RIMBP2: variants seen among roughly 807,000 people sequenced by gnomAD.
RIMBP2 encodes RIMS binding protein 2.
RIMBP2 carries 48 observed loss-of-function variants against 118.6 expected under a neutral mutation model. The observed-to-expected ratio is 0.40, with a 90% CI of 0.32 to 0.51. RIMBP2 has a LOEUF of 0.51. Ranked by LOEUF, RIMBP2 falls within the 20% of genes least tolerant of loss-of-function variation. The pLI, the probability that RIMBP2 is intolerant of heterozygous loss-of-function variation, is 0.41. For missense variants in RIMBP2, 1,551 were observed against 1,768.3 expected, an observed-to-expected ratio of 0.88 and a Z score of 2.20; for synonymous variants, 762 against 742.9, an observed-to-expected ratio of 1.03 and a Z score of -0.42.
chr12:130,451,743 G>C (rs947540990), intron 7 of RIMBP2, among the ~76,000 whole-genome samples: 1 of 151,578 alleles, frequency 6.6e-6, no homozygotes, highest in Admixed American at 6.6e-5. Context: ...TGCTCACAGC[G>C]AGACCGAGAG....
intron 12 of RIMBP2, among the ~76,000 whole-genome samples, chr12:130,438,159 T>G (rs909613947): frequency 3.9e-5 from 6 of 152,034 alleles, no homozygotes; most frequent in African/African-American, 1.4e-4. Context: ...GGGCAGGGGA[T>G]GAGTGAGGGG....
In RIMBP2 at chr12:130,674,299, G is replaced by A. The variant is rs554088342; in HGVS notation, c.-352+41923C>T. On this transcript the variant is annotated intron_variant, in intron 1 of 22. Transcript: ENST00000690449. ...TTTCTTAAGGCCTCCCCAGCCATGCGTCCTGTACGGCTGGTGGAACCATGA... is the reference window on the plus strand; with the variant it reads ...TTTCTTAAGGCCTCCCCAGCCATGCATCCTGTACGGCTGGTGGAACCATGA... Among the ~76,000 whole-genome samples, 13 of 152,230 alleles carry A rather than the reference G, an allele frequency of 8.5e-5. No individual in the cohort carries two copies. The South Asian group carries it at 1.0e-3, about 12-fold the overall frequency.
At chr12:130,556,368 A>G (rs1036445974) in intron 2 of RIMBP2, among the ~76,000 whole-genome samples, 5 of 152,194 alleles carry the variant, frequency 3.3e-5, no homozygotes, top group Non-Finnish European at 7.4e-5. Flanking sequence ...CACTGTTTGC[A>G]TAATTTTTAT....
chr12:130,441,073 G>A (rs932001948), intron 11 of RIMBP2, among the ~76,000 whole-genome samples: 6 of 152,240 alleles, frequency 3.9e-5, no homozygotes, highest in Middle Eastern at 3.4e-3. Context: ...ACATCGCGGC[G>A]AAAATAGCTT....
rs1381414558 is a variant in RIMBP2, at chr12:130,407,846, G to A, written c.3590-17C>T. The stretch of plus-strand genomic sequence containing the variant: ...TGCTTCTCTCTGTTCAGATCACAAG[G>A]GGGAAAGAAATCCATCATGAGGTTA... On this transcript the variant is annotated splice_polypyrimidine_tract_variant and intron_variant, in intron 19 of 22. Coordinates refer to ENST00000690449, the MANE Select transcript of RIMBP2 (RefSeq NM_001393629.1). 3.7e-6 allele frequency: 6 copies of A among 1,605,544 alleles called. No individual in the cohort carries two copies. The highest frequency in any genetic ancestry group is 4.3e-6 in the Non-Finnish European group (5 of 1,172,354).
chr12:130,631,533 C>T (rs890226075), intron 1 of RIMBP2, among the ~76,000 whole-genome samples: 2 of 152,124 alleles, frequency 1.3e-5, no homozygotes, highest in Non-Finnish European at 2.9e-5. Context: ...CAGTAGCACA[C>T]ACGTTTCCCT....
chr12:130,409,374 G>A lies in RIMBP2; in HGVS notation c.3590-1545C>T, dbSNP rs1247045690. ...TTTTTTTTTTTTGAGATGGACTCTCGCTCTGTCGCCCAGGCTGGAGTGCAG... is the reference window on the plus strand; with the variant it reads ...TTTTTTTTTTTTGAGATGGACTCTCACTCTGTCGCCCAGGCTGGAGTGCAG... On this transcript the variant is annotated intron_variant, in intron 19 of 22. Coordinates refer to ENST00000690449, the MANE Select transcript of RIMBP2 (RefSeq NM_001393629.1). Among the ~76,000 whole-genome samples the A allele has an allele frequency of 6.3e-5, 7 of 111,910 alleles. No individual in the cohort carries two copies. The Admixed American group carries it at 7.0e-4, about 11-fold the overall frequency. The allele number at this position is 111,910 out of a possible 152,430, so 73.4% of individuals were successfully genotyped here.
chr12:130,611,524 G>C (rs930853053), intron 2 of RIMBP2, among the ~76,000 whole-genome samples: 20 of 152,224 alleles, frequency 1.3e-4, no homozygotes, highest in African/African-American at 3.9e-4. Flanking sequence ...CTTCGCTGCA[G>C]GTGTAAGTGG....
At chr12:130,535,090 T>A (rs1027650445) in intron 2 of RIMBP2, among the ~76,000 whole-genome samples, 2 of 152,230 alleles carry the variant, frequency 1.3e-5, no homozygotes, top group African/African-American at 2.4e-5. Context: ...TGCTGACCTC[T>A]GATCGCTGGC....
intron 21 of RIMBP2, among the ~76,000 whole-genome samples, chr12:130,402,638 C>T (rs1429477795): frequency 6.6e-6 from 1 of 152,184 alleles, no homozygotes; most frequent in East Asian, 1.9e-4. Flanking sequence ...CATTTCCCAC[C>T]ATTTCTCTAT....
intron 2 of RIMBP2, among the ~76,000 whole-genome samples, chr12:130,589,357 A>G (rs2059117286): frequency 7.9e-6 from 1 of 125,978 alleles, no homozygotes; most frequent in Non-Finnish European, 1.9e-5. Context: ...AGACTCTTTA[A>G]AAAAGAAAAA....
At chr12:130,604,467 C>T (rs2060049594) in intron 2 of RIMBP2, among the ~76,000 whole-genome samples, 1 of 129,800 alleles carries the variant, frequency 7.7e-6, no homozygotes, top group African/African-American at 2.9e-5. Context: ...TTCACATTCA[C>T]TCTCCACTCA....
chr12:130,662,581 G>A (rs141528373), intron 1 of RIMBP2, among the ~76,000 whole-genome samples: 2,698 of 152,058 alleles, frequency 0.018, 72 homozygotes, highest in African/African-American at 0.062. Flanking sequence ...ACTGGAACCC[G>A]GAAGGTGGAG....
intron 1 of RIMBP2, among the ~76,000 whole-genome samples, chr12:130,713,596 C>A (rs1950119420): frequency 6.6e-6 from 1 of 152,240 alleles, no homozygotes; most frequent in South Asian, 2.1e-4. Context: ...CAACAAGAGA[C>A]CAGCACAGCC....
intron 2 of RIMBP2, among the ~76,000 whole-genome samples, chr12:130,542,187 A>G (rs776101535): frequency 3.3e-5 from 5 of 152,230 alleles, no homozygotes; most frequent in Non-Finnish European, 7.3e-5. Flanking sequence ...AGGAAATTTT[A>G]GAGCAGAGGC....
rs1005611551 is a variant in RIMBP2, at chr12:130,623,409, T to C, written c.-217+4913A>G. ...ATTTGCCCTAATGCTCCCCCTCCCC[T>C]TGCCCCCACCCCCTGAAGTAGAGGC... On this transcript the variant is annotated intron_variant, in intron 2 of 22. Transcript: ENST00000690449. This position sits in a 1 kb window ranked among gnomAD's most constrained non-coding sequence, Gnocchi z 4.1. Among the ~76,000 whole-genome samples, 60 of 145,392 alleles carry C rather than the reference T, an allele frequency of 4.1e-4. 2 individuals carry two copies. The East Asian group carries it at 0.013, about 32-fold the overall frequency.
Position 130,469,155 on chromosome 12 carries a change from G to A in RIMBP2, c.153+1538C>T, listed in dbSNP as rs754836967. ...ATGCTATTCTCTAGAATACCTGCAT[G>A]CTGTCCAAGGTGTTCTGCGCGAAGA... On this transcript the variant is annotated intron_variant, in intron 6 of 22. Transcript: ENST00000690449. The surrounding 1 kb of genome is among the most constrained non-coding windows in gnomAD (Gnocchi z 4.8). The A allele has an allele frequency of 2.0e-5, 3 of 152,686 alleles. No homozygotes were observed. The highest frequency in any genetic ancestry group is 2.9e-5 in the Non-Finnish European group (2 of 68,068). The allele number at this position is 152,686 out of a possible 1,614,324, so 9.5% of individuals were successfully genotyped here.
Position 130,424,174 on chromosome 12 carries a change from T to C in RIMBP2, c.3097A>G (p.Lys1033Glu). The C allele has an allele frequency of 1.6e-6, 2 of 1,232,060 alleles. No individual in the cohort carries two copies. Among genetic ancestry groups the C allele is most frequent in the Non-Finnish European group, 2.0e-6 (2 of 987,992 alleles). 76.3% of individuals were successfully genotyped at this position (1,232,060 alleles called of 1,614,324 possible). The change falls in exon 16 of 23, where the codon AAG becomes GAG. Residue 1033 changes from lysine (K) to glutamate (E), a missense_variant. Coordinates refer to ENST00000690449, the MANE Select transcript of RIMBP2 (RefSeq NM_001393629.1). The surrounding 1 kb of genome is among the most constrained non-coding windows in gnomAD (Gnocchi z 9.8). ...CCTTGTGCGACTCTGGGAGGTGGCT[T>C]TGCGTGGGGGGCAGCTGCCCTACTG... ...PDSRAAAPHAKPPPRVAQGPL... is the reference protein window; with the variant it reads ...PDSRAAAPHAEPPPRVAQGPL...
At chr12:130,488,797 T>C (rs1415359723) in intron 4 of RIMBP2, among the ~76,000 whole-genome samples, 5 of 152,104 alleles carry the variant, frequency 3.3e-5, no homozygotes, top group African/African-American at 1.2e-4. Flanking sequence ...CCCCTGGGCT[T>C]TGGTCTGCAG....
Sources: gnomAD v4.1 joint callset for allele counts (sites outside exome capture counted in the v4.1 genomes callset) on GRCh38, gnomAD v4.1.1 for gene constraint, Gnocchi (gnomAD v3.1) non-coding constraint, MANE v1.5 for transcripts, NCBI Gene and HGNC (gene_info 2026-07-23, HGNC 2026-07-21) for gene names.